FAT4: variants seen among roughly 807,000 people sequenced by gnomAD.
The protein encoded by FAT4 is FAT atypical cadherin 4.
A neutral mutation model predicts 303.9 loss-of-function variants in FAT4; 84 were observed. The observed-to-expected ratio is 0.28, with a 90% CI of 0.23 to 0.33. FAT4 has a LOEUF of 0.33. Among genes scored for constraint, FAT4 ranks in the 10% least tolerant of loss-of-function variants. The probability of loss-of-function intolerance (pLI) is 1.00; values close to 1 mark genes in which losing one functional copy is unlikely to be tolerated. For missense variants in FAT4, 6,005 were observed against 6,146.8 expected, an observed-to-expected ratio of 0.98 and a Z score of 0.77; for synonymous variants, 2,307 against 2,298.8, an observed-to-expected ratio of 1.00 and a Z score of -0.10.
intron 2 of FAT4, among the ~76,000 whole-genome samples, chr4:125,341,259 T>C (rs1731783256): frequency 6.6e-6 from 1 of 152,174 alleles, no homozygotes; most frequent in Admixed American, 6.5e-5. Context: ...TAGGAAAGCA[T>C]ATTTAAAATG....
rs1730703123 is a variant in FAT4, at chr4:125,317,879, C to A, written c.1468C>A (p.Pro490Thr). 6.2e-7 allele frequency: 1 copy of A among 1,614,176 alleles called. No individual in the cohort carries two copies. The highest frequency in any genetic ancestry group is 1.1e-5 in the South Asian group (1 of 91,088). ...YRVNLSEEAP[P>T]GSYVSGISAT... Reference sequence around the variant, plus strand: ...AGTGAACCTGAGCGAGGAGGCGCCTCCGGGAAGCTATGTGAGTGGGATATC... The same window carrying A: ...AGTGAACCTGAGCGAGGAGGCGCCTACGGGAAGCTATGTGAGTGGGATATC... The change falls in exon 2 of 18, where the codon CCG becomes ACG. Residue 490 changes from proline to threonine, a missense_variant. Pro to Thr is a conservative substitution (Grantham distance 38). Coordinates refer to ENST00000394329, the MANE Select transcript of FAT4 (RefSeq NM_001291303.3). The surrounding 1 kb of genome is among the most constrained non-coding windows in gnomAD (Gnocchi z 7.0).
At chr4:125,435,683 A>G (rs965979320) in intron 8 of FAT4, among the ~76,000 whole-genome samples, 4 of 152,168 alleles carry the variant, frequency 2.6e-5, no homozygotes, top group African/African-American at 9.7e-5. Context: ...GCATGTCTGG[A>G]CCAGAGTGAG....
At chr4:125,459,634 A>G (rs1040385206) in intron 10 of FAT4, among the ~76,000 whole-genome samples, 1 of 152,054 alleles carries the variant, frequency 6.6e-6, no homozygotes, top group Non-Finnish European at 1.5e-5. Flanking sequence ...ATGGCAGTAA[A>G]CATATCTTAA....
intron 2 of FAT4, among the ~76,000 whole-genome samples, chr4:125,386,596 A>G (rs1733759346): frequency 6.6e-6 from 1 of 152,174 alleles, no homozygotes; most frequent in Admixed American, 6.5e-5. Flanking sequence ...AGGATGTCTA[A>G]ATAGAATTAA....
rs1726070637 is a variant in FAT4, at chr4:125,451,481, T to G, written c.10471T>G (p.Ser3491Ala). 1 of 1,614,134 alleles carries G rather than the reference T, an allele frequency of 6.2e-7. No individual in the cohort carries two copies. The highest frequency in any genetic ancestry group is 2.2e-5 in the East Asian group (1 of 44,862). The change falls in exon 10 of 18, where the codon TCA becomes GCA. Residue 3491 changes from serine (S) to alanine (A), a missense_variant. Coordinates refer to ENST00000394329, the MANE Select transcript of FAT4 (RefSeq NM_001291303.3). ...TTTGGCTGTTGATTCAGGGACCCCC[T>G]CAGCTACAGGTAGTGCCTCTTTATT... ...SVLAVDSGTP[S>A]ATGSASLLVT...
chr4:125,434,162 G>T, intron 7 of FAT4, 83 bp from the exon 8 acceptor site: 1 of 1,281,868 alleles, frequency 7.8e-7, no homozygotes, highest in Non-Finnish European at 1.1e-6. Flanking sequence ...ATTCTCTTTA[G>T]TAATTCTGTC....
intron 2 of FAT4, among the ~76,000 whole-genome samples, chr4:125,344,746 A>G (rs1054868987): frequency 3.9e-5 from 6 of 151,970 alleles, no homozygotes; most frequent in African/African-American, 1.2e-4. Context: ...AAGTTCCACC[A>G]TTTTTATTCA....
At chr4:125,365,239 T>C (rs1036801718) in intron 2 of FAT4, among the ~76,000 whole-genome samples, 1 of 152,106 alleles carries the variant, frequency 6.6e-6, no homozygotes, top group Non-Finnish European at 1.5e-5. Context: ...GAGATACCAG[T>C]GGAAATATCC....
intron 10 of FAT4, among the ~76,000 whole-genome samples, chr4:125,453,409 T>TA (rs1726165857): frequency 6.6e-6 from 1 of 152,090 alleles, no homozygotes; most frequent in African/African-American, 2.4e-5. Flanking sequence ...AGATTTAGAT[T>TA]AAAATGATGT....
intron 13 of FAT4, 144 bp from the exon 14 acceptor site, chr4:125,477,011 A>G (rs1330725239): frequency 4.0e-6 from 2 of 500,530 alleles, no homozygotes; most frequent in Admixed American, 4.3e-5. Flanking sequence ...TGTATTGGAC[A>G]CTCTTCTACA....
At chr4:125,421,981 A>G (rs1473547971) in intron 7 of FAT4, among the ~76,000 whole-genome samples, 1 of 152,174 alleles carries the variant, frequency 6.6e-6, no homozygotes, top group African/African-American at 2.4e-5. Flanking sequence ...TAAATATGCA[A>G]TTTAAAAAAT....
chr4:125,477,896 G>A (rs896194821), intron 14 of FAT4, among the ~76,000 whole-genome samples: 1 of 151,554 alleles, frequency 6.6e-6, no homozygotes, highest in Non-Finnish European at 1.5e-5. Context: ...GTTCATTATC[G>A]AAGTTTGAAA....
At position 125,318,277 on chromosome 4, in the gene FAT4, A is replaced by G; in HGVS notation, c.1866A>G (p.Leu622=). The part of the protein sequence containing the change: ...LGDNGTVRFS[L]QEAETDRRSF... ...ACAACGGAACAGTGCGCTTCTCCTTACAAGAGGCAGAGACTGACCGGAGGT... is the reference window on the plus strand; with the variant it reads ...ACAACGGAACAGTGCGCTTCTCCTTGCAAGAGGCAGAGACTGACCGGAGGT... The change falls in exon 2 of 18, where the codon TTA becomes TTG. Residue 622 remains leucine (L), a synonymous_variant. Transcript: ENST00000394329. 2 of 1,614,200 alleles carry G rather than the reference A, an allele frequency of 1.2e-6. No homozygotes were observed. The highest frequency in any genetic ancestry group is 2.2e-5 in the South Asian group (2 of 91,084).
At chr4:125,413,201 T>C (rs1734913488) in intron 5 of FAT4, among the ~76,000 whole-genome samples, 2 of 151,962 alleles carry the variant, frequency 1.3e-5, no homozygotes, top group South Asian at 4.1e-4. Flanking sequence ...TTTTATCCTC[T>C]AAAGCCTGTG....
In FAT4 at chr4:125,319,524, G is replaced by A. The variant is rs865946381; in HGVS notation, c.3113G>A (p.Gly1038Glu). Residue 1038 changes from glycine (G) to glutamate (E), a missense_variant, in exon 2 of 18, where the codon GGA becomes GAA. By Grantham distance (98) the Gly-to-Glu change is moderately conservative. Transcript: ENST00000394329. ...NGEIAYTIAE[G>E]NTGDAFGIFP... Reference sequence around the variant, plus strand: ...GAAATTGCATACACCATTGCTGAAGGAAATACAGGGGATGCTTTTGGCATA... The same window carrying A: ...GAAATTGCATACACCATTGCTGAAGAAAATACAGGGGATGCTTTTGGCATA... 1 of 1,614,132 alleles carries A rather than the reference G, an allele frequency of 6.2e-7. No homozygotes were observed. The highest frequency in any genetic ancestry group is 2.2e-5 in the East Asian group (1 of 44,872).
chr4:125,339,782 A>T (rs1731708337), intron 2 of FAT4, among the ~76,000 whole-genome samples: 1 of 152,138 alleles, frequency 6.6e-6, no homozygotes, highest in African/African-American at 2.4e-5. Flanking sequence ...CCTAAGCAAA[A>T]TTCATCCTTA....
intron 8 of FAT4, among the ~76,000 whole-genome samples, chr4:125,437,045 G>A (rs1040840237): frequency 2.6e-5 from 4 of 151,914 alleles, no homozygotes; most frequent in Non-Finnish European, 5.9e-5. Flanking sequence ...AGTTGAGATG[G>A]GGTTTCACCA....
Position 125,451,590 on chromosome 4 carries a change from C to T in FAT4, c.10580C>T (p.Thr3527Ile), listed in dbSNP as rs1226140861. 1 of 1,614,134 alleles carries T rather than the reference C, an allele frequency of 6.2e-7. No homozygotes were observed. Residue 3527 changes from threonine (T) to isoleucine (I), a missense_variant, in exon 10 of 18, where the codon ACT becomes ATT. Thr to Ile is a moderately conservative substitution (Grantham distance 89). Transcript: ENST00000394329. ...GEVMENKRPG[T>I]LVMTLQSTDP... is the part of the protein sequence containing the mutation. ...GTCATGGAAAACAAACGGCCAGGCACTTTGGTGATGACCCTTCAGTCCACT... is the reference window on the plus strand; with the variant it reads ...GTCATGGAAAACAAACGGCCAGGCATTTTGGTGATGACCCTTCAGTCCACT...
chr4:125,478,195 T>C (rs904851211), intron 14 of FAT4, among the ~76,000 whole-genome samples: 3 of 152,220 alleles, frequency 2.0e-5, no homozygotes, highest in Non-Finnish European at 4.4e-5. Context: ...CTAATGTTTG[T>C]AACTTAAGTA....
Sources: allele counts gnomAD v4.1 joint callset (sites outside exome capture counted in the v4.1 genomes callset), GRCh38; gene constraint gnomAD v4.1.1; non-coding constraint Gnocchi (gnomAD v3.1); transcripts MANE v1.5; gene names NCBI Gene and HGNC (gene_info 2026-07-23, HGNC 2026-07-21).